Variants in EBF3 observed in about 807,000 individuals in gnomAD.
The protein encoded by EBF3 is transcription factor COE3.
In EBF3, 18 loss-of-function variants were observed where a neutral mutation model predicts 77.1. The observed-to-expected ratio is 0.23, with a 90% CI of 0.16 to 0.35. EBF3 has a LOEUF of 0.35. EBF3 is among the 10% of genes least tolerant of loss of function. The pLI, the probability that EBF3 is intolerant of heterozygous loss-of-function variation, is 1.00. For synonymous variants in EBF3, 350 were observed against 343.5 expected, an observed-to-expected ratio of 1.02 and a Z score of -0.21; for missense variants, 558 against 860.0, an observed-to-expected ratio of 0.65 and a Z score of 4.39.
At chr10:129,936,090 A>G (rs1857339361) in intron 6 of EBF3, among the ~76,000 whole-genome samples, 1 of 152,228 alleles carries the variant, frequency 6.6e-6, no homozygotes, top group Non-Finnish European at 1.5e-5. Context: ...AATTGCTGCA[A>G]TTATTAAATT....
chr10:129,867,664 A>C, intron 9 of EBF3, 118 bp downstream of exon 9: 1 of 1,497,344 alleles, frequency 6.7e-7, no homozygotes, highest in Non-Finnish European at 9.0e-7. Context: ...CGAACAGTGC[A>C]GTGTGTTAAA....
intron 6 of EBF3, among the ~76,000 whole-genome samples, chr10:129,883,955 C>G (rs892438630): frequency 6.6e-6 from 1 of 152,138 alleles, no homozygotes; most frequent in Non-Finnish European, 1.5e-5. Context: ...CGTCCTGCCC[C>G]GAAGGAGAAC....
intron 5 of EBF3, 39 bp from the exon 6 acceptor site, chr10:129,957,365 T>TC: frequency 1.3e-6 from 2 of 1,525,230 alleles, no homozygotes; most frequent in South Asian, 1.2e-5. Flanking sequence ...AATATGCATT[T>TC]CCCCCTTTTA....
chr10:129,933,770 A>G (rs1465753258), intron 6 of EBF3, among the ~76,000 whole-genome samples: 2 of 152,174 alleles, frequency 1.3e-5, no homozygotes, highest in Non-Finnish European at 2.9e-5. Context: ...CAGAGTGAGT[A>G]AGGCCCTGCA....
Position 129,841,530 on chromosome 10 carries a change from T to C in EBF3, c.1373-498A>G, listed in dbSNP as rs751495604. Among the ~76,000 whole-genome samples the C allele has an allele frequency of 7.2e-5, 11 of 152,174 alleles. No individual in the cohort carries two copies. The highest frequency in any genetic ancestry group is 1.3e-4 in the Admixed American group (2 of 15,278). On this transcript the variant is annotated intron_variant, in intron 13 of 16. Transcript: ENST00000440978. The surrounding 1 kb of genome is among the most constrained non-coding windows in gnomAD (Gnocchi z 4.6). ...CATTCCTGCCATGGGAGCTTGTGGA[T>C]GGACGGGAACAAAATCAGCAATAGT...
rs2134045221 is a variant in EBF3, at chr10:129,861,739, C to T, written c.1039+5402G>A. On this transcript the variant is annotated intron_variant, in intron 10 of 16. Transcript: ENST00000440978. The surrounding 1 kb of genome is among the most constrained non-coding windows in gnomAD (Gnocchi z 4.3). ...CTGACAGAATTGAGCCAAAGATTCCCCAAACTCCAGGACCCATGAGGAAAG... is the reference window on the plus strand; with the variant it reads ...CTGACAGAATTGAGCCAAAGATTCCTCAAACTCCAGGACCCATGAGGAAAG... Among the ~76,000 whole-genome samples, 1 of 152,280 alleles carries T rather than the reference C, an allele frequency of 6.6e-6. No homozygotes were observed. The highest frequency in any genetic ancestry group is 2.4e-5 in the African/African-American group (1 of 41,546).
intron 4 of EBF3, among the ~76,000 whole-genome samples, chr10:129,960,775 C>T (rs1307191696): frequency 6.6e-6 from 1 of 152,130 alleles, no homozygotes; most frequent in Non-Finnish European, 1.5e-5. Flanking sequence ...CTCCTCTGTG[C>T]AACAACAGAG....
chr10:129,918,042 A>G (rs954202721), intron 6 of EBF3, among the ~76,000 whole-genome samples: 9 of 152,192 alleles, frequency 5.9e-5, no homozygotes, highest in Non-Finnish European at 1.2e-4. Context: ...GGAACCTGAG[A>G]CCTGGAAGCT....
At chr10:129,840,173 C>CCCCCCCCCCCCCA in intron 15 of EBF3, 72 bp downstream of exon 15, 44 of 1,451,958 alleles carry the variant, frequency 3.0e-5, no homozygotes, top group Non-Finnish European at 3.3e-5. Flanking sequence ...AAAGGCCGAG[C>CCCCCCCCCCCCCA]CCCCACCCCC....
At chr10:129,937,124 G>C (rs1309013124) in intron 6 of EBF3, among the ~76,000 whole-genome samples, 1 of 152,212 alleles carries the variant, frequency 6.6e-6, no homozygotes, top group Non-Finnish European at 1.5e-5. Flanking sequence ...CTGGCTGTCT[G>C]AAAGTGGGAC....
At position 129,952,005 on chromosome 10, in the gene EBF3, C is replaced by A. The variant is rs541468403; in HGVS notation, c.554+5253G>T. 3.3e-5 allele frequency among the ~76,000 whole-genome samples: 5 copies of A among 152,272 alleles called. No individual in the cohort carries two copies. The highest frequency in any genetic ancestry group is 7.3e-5 in the Non-Finnish European group (5 of 68,046). On this transcript the variant is annotated intron_variant, in intron 6 of 16. Transcript: ENST00000440978. This position sits in a 1 kb window ranked among gnomAD's most constrained non-coding sequence, Gnocchi z 4.7. The stretch of plus-strand genomic sequence containing the variant: ...CCATTCACACCTGAGCCCGGCGAAG[C>A]CAAATGGGGCCGGTGCCAGCCAGAA...
intron 6 of EBF3, among the ~76,000 whole-genome samples, chr10:129,898,726 T>A (rs1294376426): frequency 1.3e-5 from 2 of 152,246 alleles, no homozygotes; most frequent in East Asian, 3.8e-4. Context: ...TATTTGCATA[T>A]TTAATTGATC....
chr10:129,905,601 TGAA>T (rs1765564748), intron 6 of EBF3, among the ~76,000 whole-genome samples: 1 of 152,036 alleles, frequency 6.6e-6, no homozygotes, highest in Non-Finnish European at 1.5e-5. Context: ...CCCCACTCCA[TGAA>T]GAAGTAGGGA....
At chr10:129,851,766 T>A (rs1850900843) in intron 10 of EBF3, among the ~76,000 whole-genome samples, 1 of 152,216 alleles carries the variant, frequency 6.6e-6, no homozygotes, top group African/African-American at 2.4e-5. Context: ...TACAAGGCTG[T>A]TGTATCAAAA....
intron 3 of EBF3, 151 bp downstream of exon 3, chr10:129,962,791 G>T: frequency 1.1e-6 from 1 of 871,886 alleles, no homozygotes; most frequent in Non-Finnish European, 1.8e-6. Flanking sequence ...TCGACTTATT[G>T]ATCGTTTATG....
Position 129,840,390 on chromosome 10 carries a change from G to A in EBF3, c.1614C>T (p.Asn538=). 1.9e-6 allele frequency: 3 copies of A among 1,553,750 alleles called. No homozygotes were observed. The highest frequency in any genetic ancestry group is 2.6e-6 in the Non-Finnish European group (3 of 1,147,874). Reference sequence around the variant, plus strand: ...AGAAAATGCCGTGTGTGCTGCTACAGTTTGAAGGGAGGGTGACCGAAGAGG... The same window carrying A: ...AGAAAATGCCGTGTGTGCTGCTACAATTTGAAGGGAGGGTGACCGAAGAGG... ...MAASSVTLPS[N]CSSTHGIFSF... Residue 538 remains asparagine, a synonymous_variant, in exon 15 of 17, where the codon AAC becomes AAT. Transcript: ENST00000440978.
At chr10:129,838,153 A>C (rs1849738576) in intron 16 of EBF3, among the ~76,000 whole-genome samples, 193 bp from the exon 17 acceptor site, 1 of 152,130 alleles carries the variant, frequency 6.6e-6, no homozygotes, top group East Asian at 1.9e-4. Flanking sequence ...ACACGTGGGG[A>C]CAACAACCCC....
At chr10:129,858,843 A>G (rs1482316853) in intron 10 of EBF3, among the ~76,000 whole-genome samples, 1 of 152,180 alleles carries the variant, frequency 6.6e-6, no homozygotes, top group Non-Finnish European at 1.5e-5. Context: ...TCAAGAGTGC[A>G]GGGAGAGGGT....
rs78854992 is a variant in EBF3 at position 129,889,241 on chromosome 10, G to A, written c.555-11392C>T. ...CGCCCCTCCATGTCACTGCCCTCCC[G>A]CTGGGGCAGGGTCTACAGAGAGCAT... On this transcript the variant is annotated intron_variant, in intron 6 of 16. Transcript: ENST00000440978. Among the ~76,000 whole-genome samples, 181 of 152,348 alleles carry A rather than the reference G, an allele frequency of 1.2e-3. 1 individual carries two copies. Among genetic ancestry groups the A allele is most frequent in the African/African-American group, 3.9e-3 (164 of 41,590 alleles).
Sources: allele counts gnomAD v4.1 joint callset (sites outside exome capture counted in the v4.1 genomes callset), GRCh38; gene constraint gnomAD v4.1.1; non-coding constraint Gnocchi (gnomAD v3.1); transcripts MANE v1.5; gene names NCBI Gene and HGNC (gene_info 2026-07-23, HGNC 2026-07-21).